SGCZ: variants seen among roughly 807,000 people sequenced by gnomAD.
SGCZ encodes the protein zeta-sarcoglycan.
A neutral mutation model predicts 41.3 loss-of-function variants in SGCZ; 40 were observed. That is an observed-to-expected ratio of 0.97 (90% CI 0.75 to 1.26). SGCZ has a LOEUF of 1.26. Ranked by LOEUF, SGCZ falls within the 50% of genes most tolerant of loss-of-function variation. SGCZ has a pLI of 0.00. For missense variants in SGCZ, 552 were observed against 369.8 expected (o/e 1.49, Z -4.04); for synonymous variants, 206 against 137.5 (o/e 1.50, Z -3.49).
At chr8:14,309,959 G>A (rs1801475982) in intron 3 of SGCZ, among the ~76,000 whole-genome samples, 1 of 151,646 alleles carries the variant, frequency 6.6e-6, no homozygotes, top group South Asian at 2.1e-4. Context: ...TAATAGTTCA[G>A]TAGAATTACC....
At chr8:14,963,338 CTTT>C (rs34842580) in intron 1 of SGCZ, among the ~76,000 whole-genome samples, 2 of 145,636 alleles carry the variant, frequency 1.4e-5, no homozygotes, top group Non-Finnish European at 1.5e-5. Flanking sequence ...TCTTTTTCTT[CTTT>C]TTTTTTTTTT....
intron 1 of SGCZ, among the ~76,000 whole-genome samples, chr8:14,673,465 ACT>A (rs142795356): frequency 1.5e-5 from 2 of 133,862 alleles, no homozygotes; most frequent in African/African-American, 2.8e-5. Flanking sequence ...TCTCTCTCTC[ACT>A]CTCTCTCTCT....
intron 1 of SGCZ, among the ~76,000 whole-genome samples, chr8:14,575,567 C>A (rs189702261): frequency 6.6e-6 from 1 of 152,044 alleles, no homozygotes; most frequent in Non-Finnish European, 1.5e-5. Context: ...TTTTCATTAA[C>A]AGAAAATGTG....
At chr8:14,975,560 G>A (rs371620262) in intron 1 of SGCZ, among the ~76,000 whole-genome samples, 7 of 151,978 alleles carry the variant, frequency 4.6e-5, no homozygotes, top group Admixed American at 2.0e-4. Context: ...GTTTTCACTG[G>A]ATTGTATCTT....
intron 4 of SGCZ, among the ~76,000 whole-genome samples, chr8:14,216,503 T>C (rs545543253): frequency 6.6e-6 from 1 of 152,256 alleles, no homozygotes; most frequent in African/African-American, 2.4e-5. Context: ...TGAACTTAGA[T>C]GCAAAAAGTT....
intron 2 of SGCZ, among the ~76,000 whole-genome samples, chr8:14,484,774 A>G (rs1465376089): frequency 6.6e-6 from 1 of 152,226 alleles, no homozygotes; most frequent in Non-Finnish European, 1.5e-5. Context: ...TATGATTCAC[A>G]TAATACAACT....
chr8:14,432,957 C>A (rs1307712886), intron 2 of SGCZ, among the ~76,000 whole-genome samples: 4 of 140,998 alleles, frequency 2.8e-5, no homozygotes, highest in Admixed American at 7.2e-5. Flanking sequence ...ACTCATGTAA[C>A]CAAACACCAC....
chr8:14,760,524 T>C (rs932004429), intron 1 of SGCZ, among the ~76,000 whole-genome samples: 3 of 152,196 alleles, frequency 2.0e-5, no homozygotes, highest in African/African-American at 7.2e-5. Context: ...AAAAAATGTA[T>C]GCATGTATTT....
At chr8:14,778,368 G>A (rs1310842972) in intron 1 of SGCZ, among the ~76,000 whole-genome samples, 1 of 152,166 alleles carries the variant, frequency 6.6e-6, no homozygotes, top group Non-Finnish European at 1.5e-5. Context: ...ATGAATTTCA[G>A]TGAGTCCATT....
At chr8:14,650,472 C>T (rs574461665) in intron 1 of SGCZ, among the ~76,000 whole-genome samples, 60 of 145,164 alleles carry the variant, frequency 4.1e-4, no homozygotes, top group Admixed American at 1.8e-3. Context: ...TACTGCCCAA[C>T]GGTTATTTTT....
At chr8:15,069,917 CTATT>C (rs1479603079) in intron 1 of SGCZ, among the ~76,000 whole-genome samples, 23 of 151,780 alleles carry the variant, frequency 1.5e-4, no homozygotes, top group Non-Finnish European at 2.6e-4. Flanking sequence ...TTTTATATAT[CTATT>C]AGGCACAGAC....
intron 1 of SGCZ, among the ~76,000 whole-genome samples, chr8:15,206,691 C>T (rs183058927): frequency 6.6e-6 from 1 of 152,126 alleles, no homozygotes; most frequent in Non-Finnish European, 1.5e-5. Context: ...TTGTGATCCA[C>T]CCTCCTCGGC....
At chr8:14,571,426 G>T (rs751767689) in intron 1 of SGCZ, among the ~76,000 whole-genome samples, 1 of 152,294 alleles carries the variant, frequency 6.6e-6, no homozygotes, top group South Asian at 2.1e-4. Context: ...GTCCACGGAG[G>T]CAGGCAATTA....
chr8:14,964,996 G>A (rs1203615140), intron 1 of SGCZ, among the ~76,000 whole-genome samples: 2 of 152,156 alleles, frequency 1.3e-5, no homozygotes, highest in African/African-American at 4.8e-5. Context: ...TACCCACTCA[G>A]TTCTAATCCA....
intron 1 of SGCZ, among the ~76,000 whole-genome samples, chr8:14,564,193 CA>C (rs1356260011): frequency 6.6e-6 from 1 of 152,138 alleles, no homozygotes; most frequent in Admixed American, 6.6e-5. Flanking sequence ...TAGCAACATG[CA>C]ACATCCTTGT....
chr8:15,005,071 C>T (rs973388608), intron 1 of SGCZ, among the ~76,000 whole-genome samples: 8 of 152,204 alleles, frequency 5.3e-5, no homozygotes, highest in African/African-American at 1.4e-4. Flanking sequence ...TCACACGGTG[C>T]GCTAGATGGC....
intron 4 of SGCZ, among the ~76,000 whole-genome samples, chr8:14,219,518 G>A (rs1806116361): frequency 6.6e-6 from 1 of 152,200 alleles, no homozygotes; most frequent in Admixed American, 6.5e-5. Flanking sequence ...GGAAGCGGAA[G>A]CGGGCAGATC....
intron 1 of SGCZ, among the ~76,000 whole-genome samples, chr8:15,079,150 G>C (rs1805651667): frequency 6.6e-6 from 1 of 151,834 alleles, no homozygotes; most frequent in African/African-American, 2.4e-5. Flanking sequence ...ATTCTTTTTT[G>C]TAACTATGAT....
intron 1 of SGCZ, among the ~76,000 whole-genome samples, chr8:14,659,169 G>C (rs112581499): frequency 6.6e-6 from 1 of 151,952 alleles, no homozygotes; most frequent in Non-Finnish European, 1.5e-5. Context: ...ACTAGTTTTG[G>C]TATTCTGTTA....
Sources: gnomAD v4.1 joint callset for allele counts (sites outside exome capture counted in the v4.1 genomes callset) on GRCh38, gnomAD v4.1.1 for gene constraint, MANE v1.5 for transcripts, NCBI Gene and HGNC (gene_info 2026-07-23, HGNC 2026-07-21) for gene names.